Variants in CNBD1 observed in about 807,000 individuals in gnomAD.
CNBD1 encodes the protein cyclic nucleotide binding domain containing 1.
Under a neutral mutation model 54.4 loss-of-function variants are expected in CNBD1, and 71 were observed. That is an observed-to-expected ratio of 1.30 (90% confidence interval 1.08 to 1.59). The LOEUF (loss-of-function observed/expected upper bound fraction) is 1.59. Ranked by LOEUF, CNBD1 falls within the 40% of genes most tolerant of loss-of-function variation. CNBD1 has a pLI of 0.00. For missense variants in CNBD1, 659 were observed against 518.0 expected (o/e 1.27, Z -2.64); for synonymous variants, 182 against 170.7 (o/e 1.07, Z -0.51).
intron 4 of CNBD1, among the ~76,000 whole-genome samples, chr8:87,170,097 A>G (rs995458015): frequency 5.3e-5 from 8 of 152,180 alleles, no homozygotes; most frequent in African/African-American, 1.9e-4. Context: ...TCAATGTTTT[A>G]CAGTTTTCAT....
At chr8:87,273,286 T>C (rs1808405816) in intron 6 of CNBD1, among the ~76,000 whole-genome samples, 1 of 151,952 alleles carries the variant, frequency 6.6e-6, no homozygotes, top group Non-Finnish European at 1.5e-5. Context: ...CTGAAATTCA[T>C]GAAAATGCTG....
chr8:87,191,324 A>G (rs770903458), intron 4 of CNBD1, among the ~76,000 whole-genome samples: 83 of 152,248 alleles, frequency 5.5e-4, no homozygotes, highest in Non-Finnish European at 2.1e-4. Context: ...AGCAAGCAAA[A>G]TTATCCCCAT....
chr8:87,382,642 T>A lies in CNBD1; in HGVS notation c.*15T>A, dbSNP rs1309701444. ...CAGTGGCCTAGATCTAGAAACAACC[T>A]CAGTGAACATTAATTAAGAAAGTAT... On this transcript the variant is annotated 3_prime_UTR_variant, in exon 11 of 11. Coordinates refer to ENST00000518476, the MANE Select transcript of CNBD1 (RefSeq NM_173538.3). The A allele has an allele frequency of 6.6e-7, 1 of 1,522,472 alleles. No homozygotes were observed. Among genetic ancestry groups the A allele is most frequent in the South Asian group, 1.2e-5 (1 of 82,624 alleles). 94.3% of individuals were successfully genotyped at this position (1,522,472 alleles called of 1,614,324 possible).
intron 3 of CNBD1, among the ~76,000 whole-genome samples, chr8:86,929,471 A>G (rs534280638): frequency 2.2e-4 from 34 of 152,088 alleles, no homozygotes; most frequent in South Asian, 8.3e-4. Context: ...TTCATATCCC[A>G]CTCTCCACAA....
intron 4 of CNBD1, among the ~76,000 whole-genome samples, chr8:87,184,696 C>T (rs1813436877): frequency 6.6e-6 from 1 of 152,114 alleles, no homozygotes; most frequent in Admixed American, 6.5e-5. Flanking sequence ...TGCTTGGCAA[C>T]CTAACTTCCT....
At chr8:86,891,511 AG>A (rs1310475852) in intron 2 of CNBD1, among the ~76,000 whole-genome samples, 1 of 152,054 alleles carries the variant, frequency 6.6e-6, no homozygotes, top group African/African-American at 2.4e-5. Context: ...TTTTGAATTC[AG>A]GGAGTGAGAT....
chr8:87,066,067 AC>A (rs1810646664), intron 4 of CNBD1, among the ~76,000 whole-genome samples: 2 of 151,974 alleles, frequency 1.3e-5, no homozygotes, highest in Non-Finnish European at 1.5e-5. Flanking sequence ...AGGTTTAGTG[AC>A]CCAGTGTTGT....
intron 6 of CNBD1, among the ~76,000 whole-genome samples, chr8:87,256,002 T>TATATAC (rs1808006889): frequency 5.6e-5 from 1 of 17,752 alleles, no homozygotes; most frequent in Non-Finnish European, 9.9e-5. Flanking sequence ...TATATATATA[T>TATATAC]ATATATATAT....
intron 4 of CNBD1, among the ~76,000 whole-genome samples, chr8:87,046,363 C>T (rs752916033): frequency 1.3e-5 from 2 of 152,076 alleles, no homozygotes; most frequent in Non-Finnish European, 2.9e-5. Context: ...ATCTCCATAC[C>T]ATGTTATGGA....
At chr8:87,371,285 G>A (rs1038834156) in intron 10 of CNBD1, among the ~76,000 whole-genome samples, 1 of 151,978 alleles carries the variant, frequency 6.6e-6, no homozygotes, top group Non-Finnish European at 1.5e-5. Context: ...GTAGCTTGAT[G>A]GGGATGGCAT....
chr8:87,310,401 C>T (rs573071201), intron 8 of CNBD1, among the ~76,000 whole-genome samples: 6 of 151,688 alleles, frequency 4.0e-5, no homozygotes, highest in Non-Finnish European at 8.8e-5. Flanking sequence ...AAAATAAATA[C>T]GTAGGAAGAC....
intron 2 of CNBD1, among the ~76,000 whole-genome samples, chr8:86,895,841 C>T (rs1481902685): frequency 6.6e-6 from 1 of 151,994 alleles, no homozygotes; most frequent in East Asian, 1.9e-4. Context: ...TTTTGGATGC[C>T]AGCTATTTAT....
At chr8:87,390,535 A>T (rs543656340) in intron 2 of CNBD1, among the ~76,000 whole-genome samples, 1 of 152,340 alleles carries the variant, frequency 6.6e-6, no homozygotes, top group East Asian at 1.9e-4. Context: ...TCAAAACCAT[A>T]GTGCGATATC....
intron 3 of CNBD1, among the ~76,000 whole-genome samples, chr8:86,917,893 A>C (rs1809212716): frequency 6.6e-6 from 1 of 152,208 alleles, no homozygotes; most frequent in South Asian, 2.1e-4. Flanking sequence ...GTTATTCTAA[A>C]TTATACTTTT....
chr8:87,334,600 A>G (rs1020070122), intron 8 of CNBD1, among the ~76,000 whole-genome samples: 6 of 151,850 alleles, frequency 4.0e-5, no homozygotes, highest in South Asian at 2.1e-4. Flanking sequence ...GTTTCAAAGA[A>G]CTTGATTTCT....
At chr8:87,201,786 C>G (rs2943175) in intron 4 of CNBD1, among the ~76,000 whole-genome samples, 86,686 of 151,768 alleles carry the variant, frequency 0.57, 25,513 homozygotes, top group African/African-American at 0.66. Context: ...TTTTGAGATG[C>G]AGTCTCATTC....
At chr8:86,870,010 A>G (rs746271522) in intron 1 of CNBD1, among the ~76,000 whole-genome samples, 25 of 151,526 alleles carry the variant, frequency 1.6e-4, no homozygotes, top group Non-Finnish European at 2.9e-4. Flanking sequence ...TATGCTTTAC[A>G]TTTTGACTAC....
chr8:87,351,130 C>T (rs1238864346), intron 8 of CNBD1, among the ~76,000 whole-genome samples: 1 of 152,072 alleles, frequency 6.6e-6, no homozygotes. Context: ...ATTTGAAGCT[C>T]AGAGGGGTTA....
intron 8 of CNBD1, among the ~76,000 whole-genome samples, chr8:87,302,738 C>T (rs1223983433): frequency 6.6e-6 from 1 of 151,866 alleles, no homozygotes; most frequent in Non-Finnish European, 1.5e-5. Flanking sequence ...TAGAAAACCC[C>T]ATCATCTCAG....
Sources: allele counts gnomAD v4.1 joint callset (sites outside exome capture counted in the v4.1 genomes callset), GRCh38; gene constraint gnomAD v4.1.1; transcripts MANE v1.5; gene names NCBI Gene and HGNC (gene_info 2026-07-23, HGNC 2026-07-21).